COPE: variants seen among roughly 807,000 people sequenced by gnomAD.
The protein encoded by COPE is coatomer subunit epsilon.
Under a neutral mutation model 42.1 loss-of-function variants are expected in COPE, and 19 were observed. The ratio of observed to expected loss-of-function variants is 0.45; its 90% CI spans 0.31 to 0.66. The LOEUF (loss-of-function observed/expected upper bound fraction) is 0.66. Among genes scored for constraint, COPE ranks in the 30% least tolerant of loss-of-function variants. COPE has a pLI of 0.05. For synonymous variants in COPE, 195 were observed against 181.3 expected, an observed-to-expected ratio of 1.08 and a Z score of -0.60; for missense variants, 402 against 416.1, an observed-to-expected ratio of 0.97 and a Z score of 0.30.
At chr19:18,911,100 C>T (rs1335626679) in intron 2 of COPE, 29 bp from the exon 3 acceptor site, 1 of 1,582,192 alleles carries the variant, frequency 6.3e-7, no homozygotes, top group Non-Finnish European at 8.7e-7. Context: ...GTCAGCTGCA[C>T]CCGTCCACCC....
chr19:18,912,738 C>CA (rs10716350), intron 2 of COPE, among the ~76,000 whole-genome samples: 238 of 113,118 alleles, frequency 2.1e-3, no homozygotes, highest in East Asian at 0.013. Context: ...GACTCCGTCT[C>CA]AAAAAAAAAA....
intron 5 of COPE, 25 bp downstream of exon 5, chr19:18,905,551 G>C (rs2056750322): frequency 1.9e-6 from 3 of 1,581,670 alleles, no homozygotes; most frequent in Non-Finnish European, 2.6e-6. Flanking sequence ...GCTCAGTGCG[G>C]GTGGAGAGGG....
Position 18,919,354 on chromosome 19 carries a change from T to G in COPE, c.-6A>C, listed in dbSNP as rs560034595. On this transcript the variant is annotated 5_prime_UTR_variant, in exon 1 of 10. Coordinates refer to ENST00000262812, the MANE Select transcript of COPE (RefSeq NM_007263.4). ...CCGGGGGCCGGAGGCGCCATTTCGC[T>G]GTCTTCTCACCAGCTCCTCTTCCTG... 24 of 1,613,456 alleles carry G rather than the reference T, an allele frequency of 1.5e-5. No homozygotes were observed. In the South Asian group the frequency reaches 2.3e-4, roughly 16 times the overall value.
At chr19:18,906,751 T>C (rs561498259) in intron 4 of COPE, 4 of 542,672 alleles carry the variant, frequency 7.4e-6, no homozygotes, top group South Asian at 5.4e-5. Context: ...CTGGGCACCG[T>C]GTCCTTGGAT....
At chr19:18,909,024 A>G (rs920609837) in intron 3 of COPE, among the ~76,000 whole-genome samples, 5 of 152,086 alleles carry the variant, frequency 3.3e-5, no homozygotes, top group Admixed American at 2.0e-4. Context: ...AACCAAAACC[A>G]ATTACTAATG....
chr19:18,918,207 A>AAAAC (rs1555711746), intron 1 of COPE, among the ~76,000 whole-genome samples: 1 of 150,182 alleles, frequency 6.7e-6, no homozygotes, highest in Non-Finnish European at 1.5e-5. Flanking sequence ...AAAAAAAGAA[A>AAAAC]AGAAAAGAAA....
At position 18,911,063 on chromosome 19, in the gene COPE, G is replaced by A. The variant is rs757785903; in HGVS notation, c.198C>T (p.Phe66=). Reference sequence around the variant, plus strand: ...GCTTGATCTCATCCAGGACCACACCGAACTTCCTCTGCAGTAGGGACGAGG... The same window carrying A: ...GCTTGATCTCATCCAGGACCACACCAAACTTCCTCTGCAGTAGGGACGAGG... ...LYRAYLAQRK[F]GVVLDEIKPS... The change falls in exon 3 of 10, where the codon TTC becomes TTT. Residue 66 remains phenylalanine (F), a synonymous_variant. Coordinates refer to ENST00000262812, the MANE Select transcript of COPE (RefSeq NM_007263.4). The A allele has an allele frequency of 1.3e-5, 21 of 1,613,860 alleles. No homozygotes were observed. The highest frequency in any genetic ancestry group is 2.2e-5 in the South Asian group (2 of 91,084).
At chr19:18,916,794 AAAAAAAC>A (rs997971848) in intron 1 of COPE, among the ~76,000 whole-genome samples, 3 of 149,928 alleles carry the variant, frequency 2.0e-5, no homozygotes, top group African/African-American at 7.4e-5. Flanking sequence ...TCTCAAAAAC[AAAAAAAC>A]AAAAAAAAAA....
chr19:18,918,010 G>A (rs1440770282), intron 1 of COPE, among the ~76,000 whole-genome samples: 1 of 151,430 alleles, frequency 6.6e-6, no homozygotes, highest in Non-Finnish European at 1.5e-5. Flanking sequence ...CCAACATGGT[G>A]AAACCCCGTC....
At chr19:18,907,241 G>T in intron 3 of COPE, 129 bp from the exon 4 acceptor site, 1 of 981,784 alleles carries the variant, frequency 1.0e-6, no homozygotes, top group Non-Finnish European at 1.5e-6. Context: ...AGCAGCAGCA[G>T]GCCGAGCATC....
At chr19:18,912,150 A>G (rs913025258) in intron 2 of COPE, among the ~76,000 whole-genome samples, 1 of 151,736 alleles carries the variant, frequency 6.6e-6, no homozygotes, top group African/African-American at 2.4e-5. Flanking sequence ...CCCAGCCCCC[A>G]TTCTTATTTT....
At chr19:18,918,340 T>C (rs1284193001) in intron 1 of COPE, among the ~76,000 whole-genome samples, 1 of 150,804 alleles carries the variant, frequency 6.6e-6, no homozygotes, top group African/African-American at 2.4e-5. Flanking sequence ...TTAAAAACTC[T>C]TAGTCTGTAA....
At chr19:18,912,496 C>T (rs757197564) in intron 2 of COPE, among the ~76,000 whole-genome samples, 26 of 151,644 alleles carry the variant, frequency 1.7e-4, no homozygotes, top group Non-Finnish European at 2.4e-4. Flanking sequence ...CGTTGGCTCA[C>T]GCCTGTAATC....
intron 7 of COPE, among the ~76,000 whole-genome samples, chr19:18,902,716 A>AAAGGAAGG (rs1555709088): frequency 3.1e-5 from 1 of 31,854 alleles, no homozygotes; most frequent in African/African-American, 2.0e-4. Flanking sequence ...GAAAGGAAGG[A>AAAGGAAGG]AAGGAAAGGA....
At chr19:18,919,162 G>A in intron 1 of COPE, 61 bp downstream of exon 1, 4 of 1,542,046 alleles carry the variant, frequency 2.6e-6, no homozygotes, top group Non-Finnish European at 2.6e-6. Context: ...GCGGCTCGCG[G>A]CCACCAGAAA....
At chr19:18,900,202 C>A (rs753664409) in intron 8 of COPE, among the ~76,000 whole-genome samples, 179 bp downstream of exon 8, 1 of 151,460 alleles carries the variant, frequency 6.6e-6, no homozygotes, top group Non-Finnish European at 1.5e-5. Context: ...GGGAGCAGGT[C>A]GGGCAGGGCC....
In COPE at chr19:18,901,806, G is replaced by A. The variant is rs143365692; in HGVS notation, c.736-1357C>T. Among the ~76,000 whole-genome samples, 23 of 152,108 alleles carry A rather than the reference G, an allele frequency of 1.5e-4. No homozygotes were observed. The East Asian group carries it at 3.7e-3, about 24-fold the overall frequency. On this transcript the variant is annotated intron_variant, in intron 7 of 9. Transcript: ENST00000262812. Reference sequence around the variant, plus strand: ...AATTAGCCACGCATGGTGGCATACCGTTTCAAAAAACAAACAAAAAACCCC... The same window carrying A: ...AATTAGCCACGCATGGTGGCATACCATTTCAAAAAACAAACAAAAAACCCC...
At chr19:18,905,218 G>A (rs2056747435) in intron 5 of COPE, among the ~76,000 whole-genome samples, 1 of 152,200 alleles carries the variant, frequency 6.6e-6, no homozygotes, top group Non-Finnish European at 1.5e-5. Flanking sequence ...CCCAGCCATG[G>A]CCTCCGACCT....
intron 1 of COPE, among the ~76,000 whole-genome samples, chr19:18,918,808 TG>T: frequency 6.6e-6 from 1 of 152,238 alleles, no homozygotes; most frequent in South Asian, 2.1e-4. Flanking sequence ...AATGAATGAA[TG>T]GGTAAGCTCT....
Sources: gnomAD v4.1 joint callset for allele counts (sites outside exome capture counted in the v4.1 genomes callset) on GRCh38, gnomAD v4.1.1 for gene constraint, MANE v1.5 for transcripts, NCBI Gene and HGNC (gene_info 2026-07-23, HGNC 2026-07-21) for gene names.